ASAP2: variants seen among roughly 807,000 people sequenced by gnomAD.
ASAP2 encodes the protein ArfGAP with SH3 domain, ankyrin repeat and PH domain 2, also known as arf-GAP with SH3 domain, ANK repeat and PH domain-containing protein 2.
Under a neutral mutation model 131.4 loss-of-function variants are expected in ASAP2, and 45 were observed. The observed-to-expected ratio is 0.34, with a 90% CI of 0.27 to 0.44. ASAP2 has a LOEUF of 0.44. ASAP2 is among the 20% of genes least tolerant of loss of function. The pLI, the probability that ASAP2 is intolerant of heterozygous loss-of-function variation, is 1.00. For missense variants in ASAP2, 1,011 were observed against 1,297.0 expected (o/e 0.78, Z 3.39); for synonymous variants, 510 against 503.0 (o/e 1.01, Z -0.19).
chr2:9,371,831 G>T (rs1673991644), intron 16 of ASAP2, among the ~76,000 whole-genome samples: 1 of 152,048 alleles, frequency 6.6e-6, no homozygotes, highest in South Asian at 2.1e-4. Flanking sequence ...AAAAAAAGAG[G>T]GAGGGCCGGG....
chr2:9,207,192 A>G lies in ASAP2; in HGVS notation c.88A>G (p.Thr30Ala). 1 of 1,602,888 alleles carries G rather than the reference A, an allele frequency of 6.2e-7. No individual in the cohort carries two copies. The highest frequency in any genetic ancestry group is 8.5e-7 in the Non-Finnish European group (1 of 1,175,596). Reference sequence around the variant, plus strand: ...CACGGCCTCCAGCTTCACCACCCGCACGGCGCAGTGCCGGAACACTGTGGC... The same window carrying G: ...CACGGCCTCCAGCTTCACCACCCGCGCGGCGCAGTGCCGGAACACTGTGGC... ...APTASSFTTR[T>A]AQCRNTVAAI... The change falls in exon 1 of 28, where the codon ACG becomes GCG. Residue 30 changes from threonine to alanine, a missense_variant. Around this residue, in one of 2 missense-constraint regions of ASAP2, gnomAD observed 359 missense variants for 598.1 expected, o/e 0.60. Transcript: ENST00000281419. This position sits in a 1 kb window ranked among gnomAD's most constrained non-coding sequence, Gnocchi z 4.1.
chr2:9,237,618 G>A (rs988757155), intron 1 of ASAP2, among the ~76,000 whole-genome samples: 4 of 151,782 alleles, frequency 2.6e-5, no homozygotes, highest in Non-Finnish European at 2.9e-5. Flanking sequence ...GAGGGTCTCA[G>A]TATGTTGCCC....
rs760405024 is a variant in ASAP2 at position 9,344,644 on chromosome 2, G to T, written c.953+9G>T. The T allele has an allele frequency of 2.5e-6, 4 of 1,613,764 alleles. No homozygotes were observed. The highest frequency in any genetic ancestry group is 3.4e-6 in the Non-Finnish European group (4 of 1,179,632). ...TACAAGAAGAGTGACGGGTACGTGAGGGGGTGTGGCTAGAGTTTAAATGTA... is the reference window on the plus strand; with the variant it reads ...TACAAGAAGAGTGACGGGTACGTGATGGGGTGTGGCTAGAGTTTAAATGTA... On this transcript the variant is annotated intron_variant, in intron 10 of 27. Coordinates refer to ENST00000281419, the MANE Select transcript of ASAP2 (RefSeq NM_003887.3).
intron 15 of ASAP2, among the ~76,000 whole-genome samples, chr2:9,367,409 GTTTTCTCAA>G (rs1423217599): frequency 1.3e-5 from 2 of 152,170 alleles, no homozygotes; most frequent in African/African-American, 4.8e-5. Flanking sequence ...ATGAAAATAT[GTTTTCTCAA>G]AGCACTGAGC....
chr2:9,382,092 TTC>T (rs915830270), intron 20 of ASAP2, among the ~76,000 whole-genome samples: 4 of 151,778 alleles, frequency 2.6e-5, no homozygotes, highest in African/African-American at 9.7e-5. Flanking sequence ...TAAGCAATTC[TTC>T]TGCCTCAGCC....
intron 25 of ASAP2, 79 bp from the exon 26 acceptor site, chr2:9,400,663 C>T: frequency 1.5e-6 from 2 of 1,313,222 alleles, no homozygotes; most frequent in Middle Eastern, 1.8e-4. Flanking sequence ...TTCAGACACA[C>T]CCTGTGGCTT....
chr2:9,360,037 G>A (rs1207185684), intron 15 of ASAP2, among the ~76,000 whole-genome samples: 1 of 152,192 alleles, frequency 6.6e-6, no homozygotes, highest in East Asian at 1.9e-4. Flanking sequence ...GTGCACAGGT[G>A]TACATGTGGT....
intron 3 of ASAP2, among the ~76,000 whole-genome samples, chr2:9,303,883 G>A (rs1296722408): frequency 6.6e-6 from 1 of 152,194 alleles, no homozygotes; most frequent in Non-Finnish European, 1.5e-5. Flanking sequence ...GGCAAAGATA[G>A]CATGGTGAGG....
At position 9,358,867 on chromosome 2, in the gene ASAP2, T is replaced by C. The variant is rs201963992; in HGVS notation, c.1439T>C (p.Val480Ala). The change falls in exon 15 of 28, where the codon GTA (valine) becomes GCA (alanine). Residue 480 changes from valine (V) to alanine (A), a missense_variant. By Grantham distance (64) the Val-to-Ala change is moderately conservative. This residue lies in a region of ASAP2 where 359 missense variants were observed against 598.1 expected (regional missense o/e 0.60). Coordinates refer to ENST00000281419, the MANE Select transcript of ASAP2 (RefSeq NM_003887.3). ...AGGATGCAGTCCCTGACCTTAGATG[T>C]ACTGGGAACATCTGAGCTGCTGGTA... ...YSRMQSLTLD[V>A]LGTSELLLAK... 2 of 1,612,114 alleles carry C rather than the reference T, an allele frequency of 1.2e-6. No individual in the cohort carries two copies. Among genetic ancestry groups the C allele is most frequent in the Non-Finnish European group, 1.7e-6 (2 of 1,179,122 alleles).
chr2:9,362,128 C>G (rs1408339791), intron 15 of ASAP2, among the ~76,000 whole-genome samples: 1 of 152,266 alleles, frequency 6.6e-6, no homozygotes, highest in South Asian at 2.1e-4. Context: ...ATGTGAACCC[C>G]CAGGGAGGCC....
At chr2:9,369,029 T>C (rs79822951) in intron 16 of ASAP2, among the ~76,000 whole-genome samples, 21 of 152,240 alleles carry the variant, frequency 1.4e-4, no homozygotes, top group South Asian at 6.2e-4. Context: ...TTTTTTTTTT[T>C]TTCTGGGAGA....
At chr2:9,388,095 C>T (rs1429131147) in intron 21 of ASAP2, among the ~76,000 whole-genome samples, 199 bp from the exon 22 acceptor site, 1 of 152,166 alleles carries the variant, frequency 6.6e-6, no homozygotes. Context: ...GTGTTTCCTT[C>T]ACGAGACACA....
chr2:9,403,425 C>A lies in ASAP2; in HGVS notation c.*98C>A. On this transcript the variant is annotated 3_prime_UTR_variant, in exon 28 of 28. Transcript: ENST00000281419. ...CCAGTTTCATGAACTGTTTGTATGG[C>A]AGCCCATGTTCTCTAATGCCACTGC... The A allele has an allele frequency of 1.7e-6, 2 of 1,167,172 alleles. No individual in the cohort carries two copies. Among genetic ancestry groups the A allele is most frequent in the Non-Finnish European group, 2.5e-6 (2 of 803,332 alleles). The allele number at this position is 1,167,172 out of a possible 1,614,324, so 72.3% of individuals were successfully genotyped here. A position where few individuals can be genotyped will look rare whatever the true frequency, so the allele number is the denominator to read the frequency against.
At chr2:9,338,651 C>A (rs909182799) in intron 9 of ASAP2, among the ~76,000 whole-genome samples, 1 of 152,170 alleles carries the variant, frequency 6.6e-6, no homozygotes, top group African/African-American at 2.4e-5. Context: ...TCCACTGTTA[C>A]CCTAAGCCAG....
intron 1 of ASAP2, among the ~76,000 whole-genome samples, chr2:9,242,627 C>T (rs1370906975): frequency 2.0e-5 from 3 of 152,174 alleles, no homozygotes; most frequent in Non-Finnish European, 4.4e-5. Flanking sequence ...CGCGGGATCA[C>T]CTTTCAAAGG....
At chr2:9,309,106 C>T (rs1558317264) in intron 3 of ASAP2, among the ~76,000 whole-genome samples, 1 of 152,162 alleles carries the variant, frequency 6.6e-6, no homozygotes. Flanking sequence ...CGCTCTGCTC[C>T]AAGACCACCT....
rs753540024 is a variant in ASAP2 at position 9,350,901 on chromosome 2, G to C, written c.1111+6G>C. 4.4e-6 allele frequency: 7 copies of C among 1,602,792 alleles called. No homozygotes were observed. The highest frequency in any genetic ancestry group is 6.0e-6 in the Non-Finnish European group (7 of 1,172,346). The stretch of plus-strand genomic sequence containing the variant: ...GTGCTTTGACCTCATTTCACGTAAG[G>C]CTCCCTCTGAGATGCCGCGCCATAG... On this transcript the variant is annotated splice_donor_region_variant and intron_variant, in intron 12 of 27. Coordinates refer to ENST00000281419, the MANE Select transcript of ASAP2 (RefSeq NM_003887.3).
chr2:9,307,249 C>T (rs1669004961), intron 3 of ASAP2, among the ~76,000 whole-genome samples: 1 of 152,074 alleles, frequency 6.6e-6, no homozygotes, highest in Non-Finnish European at 1.5e-5. Flanking sequence ...TTTTGCATTT[C>T]CTGTTCCTAG....
In ASAP2 at chr2:9,288,328, C is replaced by T. The variant is rs188784214; in HGVS notation, c.199+8939C>T. Among the ~76,000 whole-genome samples, 5 of 152,282 alleles carry T rather than the reference C, an allele frequency of 3.3e-5. No homozygotes were observed. The East Asian group carries it at 9.7e-4, about 29-fold the overall frequency. ...AGATATTTCTACACGTATGTCATCT[C>T]CACAGTGTTCATGGTAGCTACTATC... On this transcript the variant is annotated intron_variant, in intron 2 of 27. Transcript: ENST00000281419.
Sources: allele counts gnomAD v4.1 joint callset (sites outside exome capture counted in the v4.1 genomes callset), GRCh38; gene constraint gnomAD v4.1.1; regional missense constraint gnomAD v4.1.1; non-coding constraint Gnocchi (gnomAD v3.1); transcripts MANE v1.5; gene names NCBI Gene and HGNC (gene_info 2026-07-23, HGNC 2026-07-21).